The following BANK1 variants were observed in gnomAD, a reference collection of about 807,000 sequenced individuals.
BANK1 encodes B cell scaffold protein with ankyrin repeats 1.
In BANK1, 95 loss-of-function variants were observed where a neutral mutation model predicts 94.5. The observed-to-expected ratio is 1.00, with a 90% CI of 0.85 to 1.19. BANK1 has a LOEUF of 1.19. BANK1 is among the 50% of genes most tolerant of loss of function. BANK1 has a pLI of 0.00. For synonymous variants in BANK1, 334 were observed against 308.4 expected, an observed-to-expected ratio of 1.08 and a Z score of -0.87; for missense variants, 987 against 932.2, an observed-to-expected ratio of 1.06 and a Z score of -0.77.
At chr4:101,836,781 C>T (rs1726846106) in intron 2 of BANK1, among the ~76,000 whole-genome samples, 1 of 152,144 alleles carries the variant, frequency 6.6e-6, no homozygotes, top group Non-Finnish European at 1.5e-5. Context: ...GCTCTGTACT[C>T]TTCAACAGTA....
chr4:101,818,038 A>G (rs984147542), intron 1 of BANK1, among the ~76,000 whole-genome samples: 1 of 152,214 alleles, frequency 6.6e-6, no homozygotes, highest in Admixed American at 6.5e-5. Context: ...GCACAAATGT[A>G]TCATATTATG....
intron 7 of BANK1, among the ~76,000 whole-genome samples, chr4:101,944,028 G>A (rs992179514): frequency 2.7e-5 from 4 of 149,486 alleles, no homozygotes; most frequent in Non-Finnish European, 5.9e-5. Context: ...GTGTTTGTGT[G>A]TGTGTGTGTG....
chr4:102,058,800 G>A (rs1404591924), intron 11 of BANK1, among the ~76,000 whole-genome samples: 2 of 149,578 alleles, frequency 1.3e-5, no homozygotes, highest in Admixed American at 1.3e-4. Flanking sequence ...ATGGTGAGAA[G>A]GGAAAAAGTA....
intron 3 of BANK1, among the ~76,000 whole-genome samples, chr4:101,860,942 T>C (rs929890658): frequency 1.3e-5 from 2 of 152,214 alleles, no homozygotes; most frequent in African/African-American, 4.8e-5. Context: ...AGACATTATT[T>C]GGCTCTTAAA....
chr4:101,947,686 T>A (rs1470910233), intron 7 of BANK1, among the ~76,000 whole-genome samples: 1 of 151,932 alleles, frequency 6.6e-6, no homozygotes, highest in Non-Finnish European at 1.5e-5. Context: ...CAAAGAAATA[T>A]ATATAATTAT....
chr4:101,840,224 T>C (rs1357103005), intron 2 of BANK1, among the ~76,000 whole-genome samples: 2 of 151,724 alleles, frequency 1.3e-5, no homozygotes, highest in Non-Finnish European at 2.9e-5. Flanking sequence ...CGCCTCGGCC[T>C]CCCGAAGTGC....
rs1276231022 is a variant in BANK1 at position 102,047,151 on chromosome 4, C to T, written c.1969+3244C>T. Among the ~76,000 whole-genome samples the T allele has an allele frequency of 2.0e-5, 3 of 152,112 alleles. No homozygotes were observed. In the East Asian group the frequency reaches 5.8e-4, roughly 29 times the overall value. On this transcript the variant is annotated intron_variant, in intron 11 of 16. Coordinates refer to ENST00000322953, the MANE Select transcript of BANK1 (RefSeq NM_017935.5). Reference sequence around the variant, plus strand: ...CTATTAAATACAGACCTTCAATGGACCTGCTCCTAGGACATTATGAATCAT... The same window carrying T: ...CTATTAAATACAGACCTTCAATGGATCTGCTCCTAGGACATTATGAATCAT...
At position 102,006,970 on chromosome 4, in the gene BANK1, A is replaced by T. The variant is rs895332773; in HGVS notation, c.1207-14544A>T. On this transcript the variant is annotated intron_variant, in intron 7 of 16. Transcript: ENST00000322953. ...TTCTGTGGCCTGTATTTATTTTTTT[A>T]AAGTAAAAAAAAAGAAAGGAAGCAT... 7.6e-4 allele frequency among the ~76,000 whole-genome samples: 112 copies of T among 146,474 alleles called. 1 individual carries two copies. Among genetic ancestry groups the T allele is most frequent in the African/African-American group, 2.5e-3 (101 of 39,906 alleles).
chr4:102,005,728 C>T (rs1726237705), intron 7 of BANK1, among the ~76,000 whole-genome samples: 1 of 151,972 alleles, frequency 6.6e-6, no homozygotes, highest in South Asian at 2.1e-4. Context: ...TATATTAATG[C>T]ATTCACTCAT....
chr4:101,804,251 T>G (rs1725473724), intron 1 of BANK1, among the ~76,000 whole-genome samples: 1 of 152,084 alleles, frequency 6.6e-6, no homozygotes, highest in South Asian at 2.1e-4. Flanking sequence ...CTGCATAAAA[T>G]TAACTGTAGT....
intron 6 of BANK1, among the ~76,000 whole-genome samples, chr4:101,910,677 G>A (rs4588459): frequency 7.3e-6 from 1 of 137,668 alleles, no homozygotes; most frequent in Admixed American, 8.0e-5. Context: ...CTGGGCGACA[G>A]AGCTAGACTC....
At chr4:101,889,991 T>A (rs978384415) in intron 5 of BANK1, among the ~76,000 whole-genome samples, 1 of 152,216 alleles carries the variant, frequency 6.6e-6, no homozygotes, top group Non-Finnish European at 1.5e-5. Flanking sequence ...CTTTCTGTTA[T>A]GGATTTCTAG....
intron 1 of BANK1, among the ~76,000 whole-genome samples, chr4:101,826,389 A>G (rs56038601): frequency 2.6e-4 from 39 of 152,174 alleles, no homozygotes; most frequent in African/African-American, 8.7e-4. Flanking sequence ...AATGAGGAAA[A>G]CATTAGTACT....
At chr4:101,928,573 G>A (rs1045006976) in intron 7 of BANK1, among the ~76,000 whole-genome samples, 4 of 151,624 alleles carry the variant, frequency 2.6e-5, no homozygotes, top group African/African-American at 9.7e-5. Flanking sequence ...CAGTACTGCC[G>A]AGTTCACTTA....
intron 5 of BANK1, among the ~76,000 whole-genome samples, chr4:101,876,248 TCA>T (rs929543549): frequency 3.9e-5 from 6 of 152,140 alleles, no homozygotes; most frequent in African/African-American, 1.4e-4. Context: ...GTGAGACTCA[TCA>T]CATTCCCAGC....
intron 7 of BANK1, among the ~76,000 whole-genome samples, chr4:101,962,785 GTTGT>G (rs1378833960): frequency 6.6e-6 from 1 of 151,968 alleles, no homozygotes; most frequent in Non-Finnish European, 1.5e-5. Context: ...TATTTTAGTG[GTTGT>G]ATAGTGTTCT....
intron 7 of BANK1, among the ~76,000 whole-genome samples, chr4:101,948,099 T>C (rs1723997375): frequency 6.6e-6 from 1 of 152,118 alleles, no homozygotes; most frequent in Non-Finnish European, 1.5e-5. Context: ...TGAATGTATG[T>C]CATTTGTTAC....
intron 13 of BANK1, among the ~76,000 whole-genome samples, chr4:102,064,486 A>G (rs1490134488): frequency 6.6e-6 from 1 of 152,178 alleles, no homozygotes; most frequent in Non-Finnish European, 1.5e-5. Flanking sequence ...GAGGTGGGCA[A>G]TATTTCCAGT....
chr4:101,951,632 G>C (rs538681830), intron 7 of BANK1, among the ~76,000 whole-genome samples: 1 of 151,898 alleles, frequency 6.6e-6, no homozygotes, highest in Non-Finnish European at 1.5e-5. Flanking sequence ...TATATAATGC[G>C]GATGTTTATG....
Sources: gnomAD v4.1 joint callset for allele counts (sites outside exome capture counted in the v4.1 genomes callset) on GRCh38, gnomAD v4.1.1 for gene constraint, MANE v1.5 for transcripts, NCBI Gene and HGNC (gene_info 2026-07-23, HGNC 2026-07-21) for gene names.